C12orf42: variants seen among roughly 807,000 people sequenced by gnomAD.
The protein encoded by C12orf42 is chromosome 12 open reading frame 42.
C12orf42 carries 25 observed loss-of-function variants against 21.6 expected under a neutral mutation model. The observed-to-expected ratio is 1.16, with a 90% CI of 0.84 to 1.62. The LOEUF (loss-of-function observed/expected upper bound fraction) is 1.62, where lower values mean the gene tolerates loss of function less well. Ranked by LOEUF, C12orf42 falls within the 40% of genes most tolerant of loss-of-function variation. The pLI is 0.00. For missense variants in C12orf42, 483 were observed against 459.3 expected (o/e 1.05, Z -0.47); for synonymous variants, 174 against 175.0 (o/e 0.99, Z 0.05).
chr12:103,145,025 C>T, the C12orf42 span, among the ~76,000 whole-genome samples: 3 of 152,222 alleles, frequency 2.0e-5, no homozygotes, highest in East Asian at 5.8e-4. Context: ...TTGGGGCTGT[C>T]CTGTCTTCAG....
intron 2 of C12orf42, among the ~76,000 whole-genome samples, chr12:103,436,931 C>A (rs1351247626): frequency 1.3e-5 from 2 of 148,386 alleles, no homozygotes; most frequent in Non-Finnish European, 3.0e-5. Context: ...GAACTCTCCA[C>A]CCCAAATCAA....
chr12:103,331,947 A>G (rs1217707399), intron 4 of C12orf42, among the ~76,000 whole-genome samples: 2 of 152,208 alleles, frequency 1.3e-5, no homozygotes, highest in African/African-American at 4.8e-5. Flanking sequence ...AACAGGGGAA[A>G]ATGTACAGCA....
At chr12:103,228,139 G>C in the C12orf42 span, among the ~76,000 whole-genome samples, 2 of 152,154 alleles carry the variant, frequency 1.3e-5, no homozygotes, top group Admixed American at 6.5e-5. Flanking sequence ...CCACCAAACA[G>C]GCTTTGTGTG....
chr12:103,290,281 C>G (rs1012200064), intron 4 of C12orf42, among the ~76,000 whole-genome samples: 2 of 152,170 alleles, frequency 1.3e-5, no homozygotes, highest in African/African-American at 4.8e-5. Flanking sequence ...CAAAGTCACT[C>G]AGGAACAACA....
intron 4 of C12orf42, among the ~76,000 whole-genome samples, chr12:103,311,590 C>T (rs1297421435): frequency 6.6e-6 from 1 of 152,128 alleles, no homozygotes; most frequent in African/African-American, 2.4e-5. Context: ...TTGCAATCTC[C>T]AGTGGCTTTT....
the C12orf42 span, among the ~76,000 whole-genome samples, chr12:103,144,005 A>T: frequency 6.6e-6 from 1 of 152,210 alleles, no homozygotes; most frequent in African/African-American, 2.4e-5. Flanking sequence ...ATAACATAGC[A>T]TATACCATAG....
chr12:103,372,415 G>A (rs1028106376), intron 3 of C12orf42, among the ~76,000 whole-genome samples: 17 of 152,044 alleles, frequency 1.1e-4, no homozygotes, highest in African/African-American at 3.9e-4. Context: ...ATAAGCCTAG[G>A]GATGTGCACT....
chr12:103,357,311 A>T (rs7974978), intron 4 of C12orf42, among the ~76,000 whole-genome samples: 8 of 151,638 alleles, frequency 5.3e-5, no homozygotes, highest in Admixed American at 5.3e-4. Flanking sequence ...ATAAAATAAA[A>T]AATAATAATA....
At chr12:103,553,097 AG>A in the C12orf42 span, among the ~76,000 whole-genome samples, 1 of 152,234 alleles carries the variant, frequency 6.6e-6, no homozygotes, top group Admixed American at 6.5e-5. Context: ...TCAGGAGCTG[AG>A]TAATTATTTG....
chr12:103,231,045 A>C, the C12orf42 span, among the ~76,000 whole-genome samples: 1 of 152,192 alleles, frequency 6.6e-6, no homozygotes, highest in Non-Finnish European at 1.5e-5. Context: ...ACATATTTAG[A>C]AGCACATTTT....
chr12:103,462,238 G>C (rs1952784904), intron 2 of C12orf42, among the ~76,000 whole-genome samples: 1 of 150,922 alleles, frequency 6.6e-6, no homozygotes, highest in African/African-American at 2.4e-5. Flanking sequence ...CTCCTGAGTA[G>C]CTGGGATTAC....
chr12:103,469,072 C>G (rs1476826896), intron 2 of C12orf42, among the ~76,000 whole-genome samples: 3 of 152,204 alleles, frequency 2.0e-5, no homozygotes, highest in Non-Finnish European at 4.4e-5. Context: ...CACACCTGAC[C>G]TCCTGGCTGA....
chr12:103,520,524 TAACAACAAC>T, the C12orf42 span, among the ~76,000 whole-genome samples: 1,457 of 149,944 alleles, frequency 9.7e-3, 5 homozygotes, highest in Non-Finnish European at 0.011. Context: ...CCTCTGCCCC[TAACAACAAC>T]AACAACAACA....
chr12:103,324,529 G>C (rs1422111661), intron 4 of C12orf42, among the ~76,000 whole-genome samples: 1 of 152,080 alleles, frequency 6.6e-6, no homozygotes, highest in Non-Finnish European at 1.5e-5. Context: ...ACTGTTTTCT[G>C]TTACCTTAAA....
intron 1 of C12orf42, among the ~76,000 whole-genome samples, chr12:103,479,841 TTTTG>T (rs1381788317): frequency 2.6e-5 from 4 of 151,990 alleles, no homozygotes; most frequent in Non-Finnish European, 4.4e-5. Flanking sequence ...TGGTGCTAAA[TTTTG>T]TTTGTTAATA....
intron 4 of C12orf42, among the ~76,000 whole-genome samples, chr12:103,336,586 G>C (rs1386951022): frequency 6.6e-6 from 1 of 152,164 alleles, no homozygotes; most frequent in Non-Finnish European, 1.5e-5. Flanking sequence ...GGCTATTTTT[G>C]AGTGTCAATA....
At chr12:103,188,978 G>A in the C12orf42 span, among the ~76,000 whole-genome samples, 3 of 152,184 alleles carry the variant, frequency 2.0e-5, no homozygotes, top group African/African-American at 4.8e-5. Flanking sequence ...GTATAAAACT[G>A]AGTGTGTTAA....
chr12:103,160,585 A>G, the C12orf42 span, among the ~76,000 whole-genome samples: 1 of 152,122 alleles, frequency 6.6e-6, no homozygotes, highest in African/African-American at 2.4e-5. Context: ...ATCCCTCAAG[A>G]CTACAGCAAT....
the C12orf42 span, among the ~76,000 whole-genome samples, chr12:103,158,810 G>A: frequency 1.3e-5 from 2 of 151,332 alleles, no homozygotes; most frequent in African/African-American, 2.4e-5. Context: ...AACCCGGGAG[G>A]CGGAGGTTGC....
Sources: allele counts gnomAD v4.1 joint callset (sites outside exome capture counted in the v4.1 genomes callset), GRCh38; gene constraint gnomAD v4.1.1; transcripts MANE v1.5; gene names NCBI Gene and HGNC (gene_info 2026-07-23, HGNC 2026-07-21).